Variants in TRPC5 observed in about 807,000 individuals in gnomAD.
TRPC5 encodes short transient receptor potential channel 5.
In TRPC5, 9 loss-of-function variants were observed where a neutral mutation model predicts 56.5. The ratio of observed to expected loss-of-function variants is 0.16; its 90% confidence interval spans 0.10 to 0.28. The LOEUF (loss-of-function observed/expected upper bound fraction) is 0.28, where lower values mean the gene tolerates loss of function less well. Ranked by LOEUF, TRPC5 falls within the 10% of genes least tolerant of loss-of-function variation. The pLI is 1.00. For missense variants in TRPC5, 469 were observed against 748.9 expected (o/e 0.63, Z 4.36); for synonymous variants, 282 against 278.5 (o/e 1.01, Z -0.13).
chrX:112,048,985 T>C (rs1017402683), intron 1 of TRPC5, among the ~76,000 whole-genome samples: 1 of 112,167 alleles, frequency 8.9e-6, no homozygotes, highest in Non-Finnish European at 1.9e-5. Flanking sequence ...CTTTCTGCCT[T>C]CCATCTTGGT....
chrX:111,772,621 T>C lies in TRPC5; in HGVS notation c.*3692A>G, dbSNP rs1945849736. Among the ~76,000 whole-genome samples, 1 of 109,936 alleles carries C rather than the reference T, an allele frequency of 9.1e-6. No homozygotes were observed. Among genetic ancestry groups the C allele is most frequent in the Non-Finnish European group, 1.9e-5 (1 of 52,698 alleles). ...CTAATTTTTGTATTTTTAGTAGAGA[T>C]GGGTTTCACCATGTTGGCCAGGCTG... On this transcript the variant is annotated 3_prime_UTR_variant, in exon 11 of 11. Coordinates refer to ENST00000262839, the MANE Select transcript of TRPC5 (RefSeq NM_012471.3).
intron 2 of TRPC5, among the ~76,000 whole-genome samples, chrX:111,950,437 C>T (rs775389472): frequency 1.5e-3 from 163 of 112,065 alleles, no homozygotes; most frequent in African/African-American, 5.2e-3. Context: ...TAGGTTCTCA[C>T]TCATAAGTGG....
chrX:111,786,813 CAAAG>C (rs917365267), intron 7 of TRPC5, among the ~76,000 whole-genome samples: 8 of 111,223 alleles, frequency 7.2e-5, no homozygotes, highest in African/African-American at 2.3e-4. Context: ...TCTAAAGAGA[CAAAG>C]AAGGCCATTA....
chrX:112,005,463 T>C (rs865920668), intron 1 of TRPC5, among the ~76,000 whole-genome samples: 1 of 66,400 alleles, frequency 1.5e-5, no homozygotes, highest in Admixed American at 1.6e-4. Flanking sequence ...AACCTAAAAG[T>C]AAAAAAAAAA....
chrX:111,847,521 A>T, intron 5 of TRPC5, 85 bp from the exon 6 acceptor site: 1 of 859,385 alleles, frequency 1.2e-6, no homozygotes, highest in South Asian at 2.6e-5. Context: ...CCATACCCAA[A>T]CAAAGCCACC....
chrX:111,942,243 GTA>G (rs1926800858), intron 2 of TRPC5, among the ~76,000 whole-genome samples: 1 of 112,282 alleles, frequency 8.9e-6, no homozygotes, highest in Non-Finnish European at 1.9e-5. Context: ...GTCACTCTGA[GTA>G]TACATTTCTT....
intron 7 of TRPC5, among the ~76,000 whole-genome samples, chrX:111,791,555 G>C (rs1210191763): frequency 8.9e-6 from 1 of 112,313 alleles, no homozygotes; most frequent in East Asian, 2.8e-4. Flanking sequence ...GTATGGGTTT[G>C]CCTTTCCTGC....
intron 7 of TRPC5, among the ~76,000 whole-genome samples, chrX:111,791,019 CAAAAAAAAAAAAAAA>C (rs753897017): frequency 2.2e-4 from 2 of 9,293 alleles, no homozygotes; most frequent in Admixed American, 2.6e-3. Flanking sequence ...GACTCCATCT[CAAAAAAAAAAAAAAA>C]AAAAAAAAAA....
chrX:111,921,447 A>AT lies in TRPC5; in HGVS notation c.379-8636dup, dbSNP rs374404931. On this transcript the variant is annotated intron_variant, in intron 2 of 10. Coordinates refer to ENST00000262839, the MANE Select transcript of TRPC5 (RefSeq NM_012471.3). ...ATTTGTATGAAGATTACGATTTAACATTTTTTTTTTTTGAAATTATCTTTT... is the reference window on the plus strand; with the variant it reads ...ATTTGTATGAAGATTACGATTTAACATTTTTTTTTTTTTGAAATTATCTTTT... 1.2e-3 allele frequency among the ~76,000 whole-genome samples: 123 copies of AT among 103,501 alleles called. 1 individual carries two copies. The highest frequency in any genetic ancestry group is 5.5e-3 in the South Asian group (13 of 2,356). 89.9% of individuals were successfully genotyped at this position (103,501 alleles called of 115,157 possible).
chrX:111,955,069 G>A (rs1054450964), intron 1 of TRPC5, among the ~76,000 whole-genome samples: 1 of 111,742 alleles, frequency 8.9e-6, no homozygotes, highest in Admixed American at 9.5e-5. Flanking sequence ...GTAGTGAAGA[G>A]AGACAACAGT....
At chrX:111,886,675 T>C (rs1392374721) in intron 3 of TRPC5, among the ~76,000 whole-genome samples, 1 of 111,740 alleles carries the variant, frequency 8.9e-6, no homozygotes, top group Non-Finnish European at 1.9e-5. Context: ...CCTGGTATAA[T>C]GACATTCTGG....
At chrX:111,886,985 A>T (rs1345948474) in intron 3 of TRPC5, among the ~76,000 whole-genome samples, 1 of 112,816 alleles carries the variant, frequency 8.9e-6, no homozygotes, top group Non-Finnish European at 1.9e-5. Flanking sequence ...CCTGCCAAGT[A>T]AATACCAGCT....
intron 2 of TRPC5, among the ~76,000 whole-genome samples, chrX:111,916,893 A>G (rs1925993247): frequency 8.8e-6 from 1 of 113,172 alleles, no homozygotes; most frequent in South Asian, 3.6e-4. Context: ...GTGCTAGCAC[A>G]TAAGTTGTGA....
At chrX:112,062,184 T>A (rs1930474330) in intron 1 of TRPC5, among the ~76,000 whole-genome samples, 1 of 111,790 alleles carries the variant, frequency 8.9e-6, no homozygotes, top group Non-Finnish European at 1.9e-5. Context: ...GTCAACAGGA[T>A]TTCTGACTGG....
At chrX:111,998,428 C>G (rs1928604779) in intron 1 of TRPC5, among the ~76,000 whole-genome samples, 1 of 111,350 alleles carries the variant, frequency 9.0e-6, no homozygotes, top group Non-Finnish European at 1.9e-5. Flanking sequence ...TGTATATATT[C>G]TCTTCCAGCT....
intron 7 of TRPC5, among the ~76,000 whole-genome samples, chrX:111,821,437 G>A (rs775981112): frequency 9.0e-6 from 1 of 111,533 alleles, no homozygotes; most frequent in Non-Finnish European, 1.9e-5. Flanking sequence ...TAATTCTGCT[G>A]TCAGATCTCA....
chrX:112,015,034 A>AT (rs59820631), intron 1 of TRPC5, among the ~76,000 whole-genome samples: 208 of 85,840 alleles, frequency 2.4e-3, no homozygotes, highest in Non-Finnish European at 3.4e-3. Flanking sequence ...CCTTCTTGCC[A>AT]TTTTTTTTTT....
intron 7 of TRPC5, among the ~76,000 whole-genome samples, chrX:111,822,482 G>A (rs1922064290): frequency 8.9e-6 from 1 of 111,757 alleles, no homozygotes; most frequent in African/African-American, 3.3e-5. Flanking sequence ...ATTGTCAAAG[G>A]AATCTGTGAC....
chrX:111,779,108 T>A (rs754463771), intron 9 of TRPC5, 34 bp from the exon 10 acceptor site: 1 of 1,036,805 alleles, frequency 9.6e-7, no homozygotes, highest in East Asian at 3.1e-5. Context: ...GCATTCAGTC[T>A]CCTTCTCAGG....
Sources: gnomAD v4.1 joint callset for allele counts (sites outside exome capture counted in the v4.1 genomes callset) on GRCh38, gnomAD v4.1.1 for gene constraint, MANE v1.5 for transcripts, NCBI Gene and HGNC (gene_info 2026-07-23, HGNC 2026-07-21) for gene names.